GAS7: variants seen among roughly 807,000 people sequenced by gnomAD.
The protein encoded by GAS7 is growth arrest specific 7.
In GAS7, 28 loss-of-function variants were observed where a neutral mutation model predicts 71.1. That is an observed-to-expected ratio of 0.39 (90% CI 0.29 to 0.54). The LOEUF (loss-of-function observed/expected upper bound fraction) is 0.54. Among genes scored for constraint, GAS7 ranks in the 20% least tolerant of loss-of-function variants. GAS7 has a pLI of 0.62. For missense variants in GAS7, 436 were observed against 627.8 expected (o/e 0.69, Z 3.27); for synonymous variants, 258 against 245.8 (o/e 1.05, Z -0.46).
intron 1 of GAS7, among the ~76,000 whole-genome samples, chr17:10,125,847 G>A (rs904722208): frequency 1.3e-5 from 2 of 152,118 alleles, no homozygotes; most frequent in Non-Finnish European, 2.9e-5. Flanking sequence ...CCTCCACCCT[G>A]TGTTATTTAT....
At chr17:10,083,544 C>T (rs2073480607) in intron 1 of GAS7, among the ~76,000 whole-genome samples, 1 of 152,224 alleles carries the variant, frequency 6.6e-6, no homozygotes, top group Non-Finnish European at 1.5e-5. Context: ...CTTCCCAGGC[C>T]AAGTCTGGCT....
At chr17:10,156,091 T>C (rs774895680) in intron 1 of GAS7, among the ~76,000 whole-genome samples, 2 of 152,216 alleles carry the variant, frequency 1.3e-5, no homozygotes, top group Non-Finnish European at 2.9e-5. Context: ...CTTTCCCAAC[T>C]CTGACTTTTT....
Position 9,981,725 on chromosome 17 carries a change from G to A in GAS7, c.385+79C>T. The stretch of plus-strand genomic sequence containing the variant: ...CTACATCAGCCAGGTTTAAGACCCA[G>A]GACCCATCATCTCAGCCTCTCCACT... On this transcript the variant is annotated intron_variant, in intron 3 of 13. Transcript: ENST00000432992. The surrounding 1 kb of genome is among the most constrained non-coding windows in gnomAD (Gnocchi z 4.4). The A allele has an allele frequency of 2.3e-6, 2 of 865,750 alleles. No individual in the cohort carries two copies. The highest frequency in any genetic ancestry group is 4.0e-6 in the Non-Finnish European group (2 of 505,470). The allele number at this position is 865,750 out of a possible 1,614,324, so 53.6% of individuals were successfully genotyped here. A position where few individuals can be genotyped will look rare whatever the true frequency, so the allele number is the denominator to read the frequency against.
rs2073927233 is a variant in GAS7, at chr17:10,124,221, C to T, written c.183+73987G>A. On this transcript the variant is annotated intron_variant, in intron 1 of 13. Transcript: ENST00000432992. ...GGGCCTTGCACTCAACAAGAAAAGG[C>T]CAAGCTGAAGGTGGACATGGAAATG... Among the ~76,000 whole-genome samples the T allele has an allele frequency of 2.6e-5, 4 of 152,216 alleles. No homozygotes were observed. The South Asian group carries it at 8.3e-4, about 31-fold the overall frequency.
chr17:10,128,787 T>A (rs987016762), intron 1 of GAS7, among the ~76,000 whole-genome samples: 1 of 151,996 alleles, frequency 6.6e-6, no homozygotes, highest in African/African-American at 2.4e-5. Context: ...GCCCAGCTAA[T>A]TTTTTGTATT....
Position 9,946,884 on chromosome 17 carries a change from C to T in GAS7, c.615+10G>A, listed in dbSNP as rs778038935. 4.5e-5 allele frequency: 71 copies of T among 1,589,448 alleles called. No individual in the cohort carries two copies. The highest frequency in any genetic ancestry group is 5.8e-5 in the Non-Finnish European group (67 of 1,158,156). ...GGTCACGCTGTGGGGGAAACTGAGG[C>T]GCTGCTTACCCAGAAGTAGTCGCAG... is the stretch of plus-strand genomic sequence containing the variant. On this transcript the variant is annotated intron_variant, in intron 6 of 13. Coordinates refer to ENST00000432992, the MANE Select transcript of GAS7 (RefSeq NM_201433.2).
intron 1 of GAS7, among the ~76,000 whole-genome samples, chr17:10,056,639 A>G (rs1206821120): frequency 6.6e-6 from 1 of 152,188 alleles, no homozygotes; most frequent in Non-Finnish European, 1.5e-5. Flanking sequence ...TGGGAGGCCA[A>G]GGCAGGTGGA....
rs186112778 is a variant in GAS7 at position 9,932,960 on chromosome 17, G to A, written c.885+1206C>T. On this transcript the variant is annotated intron_variant, in intron 9 of 13. Coordinates refer to ENST00000432992, the MANE Select transcript of GAS7 (RefSeq NM_201433.2). ...GGCGGAGGAGGGTGGATCATGAGGTGAGGAGTTCAACACCAGCCTGGCCAA... is the reference window on the plus strand; with the variant it reads ...GGCGGAGGAGGGTGGATCATGAGGTAAGGAGTTCAACACCAGCCTGGCCAA... Among the ~76,000 whole-genome samples the A allele has an allele frequency of 7.4e-4, 113 of 152,094 alleles. 1 individual carries two copies. The highest frequency in any genetic ancestry group is 2.7e-3 in the African/African-American group (110 of 41,502).
chr17:10,079,242 A>G (rs2073429734), intron 1 of GAS7, among the ~76,000 whole-genome samples: 1 of 152,092 alleles, frequency 6.6e-6, no homozygotes, highest in South Asian at 2.1e-4. Context: ...CTCTTTTAAA[A>G]CTCTATTACT....
At chr17:10,078,237 G>A (rs1010723238) in intron 1 of GAS7, among the ~76,000 whole-genome samples, 14 of 152,118 alleles carry the variant, frequency 9.2e-5, no homozygotes, top group East Asian at 5.8e-4. Flanking sequence ...AACTGCAGAC[G>A]TGCACCACCA....
chr17:9,962,103 GTC>G (rs2152115139), intron 4 of GAS7, among the ~76,000 whole-genome samples: 1 of 152,222 alleles, frequency 6.6e-6, no homozygotes, highest in African/African-American at 2.4e-5. Flanking sequence ...ACCTTCCCTG[GTC>G]TCTGTTCTAT....
intron 1 of GAS7, among the ~76,000 whole-genome samples, chr17:10,108,564 T>C (rs758168942): frequency 6.6e-6 from 1 of 152,218 alleles, no homozygotes; most frequent in Non-Finnish European, 1.5e-5. Context: ...TCTGTCTTTG[T>C]ATTTAGCTCA....
At chr17:10,014,892 C>T (rs138835133) in intron 2 of GAS7, among the ~76,000 whole-genome samples, 2,449 of 152,102 alleles carry the variant, frequency 0.016, 66 homozygotes, top group African/African-American at 0.055. Context: ...CGGTGACTCA[C>T]GCCTGTAATC....
At chr17:10,117,048 T>A (rs2073867540) in intron 1 of GAS7, among the ~76,000 whole-genome samples, 1 of 152,182 alleles carries the variant, frequency 6.6e-6, no homozygotes, top group Admixed American at 6.5e-5. Flanking sequence ...CTTACAGTTC[T>A]GGAGGTCAAA....
Position 10,019,825 on chromosome 17 carries a change from A to T in GAS7, c.256T>A (p.Tyr86Asn). ...TACCGCCGGCCCTGAGGCGACAGGT[A>T]GCTCTGCCAGCCAGGTGGAAGGATG... The part of the protein sequence containing the change: ...TVILPPGWQS[Y>N]LSPQGRRYYV... Residue 86 changes from tyrosine (Y) to asparagine (N), a missense_variant, in exon 2 of 14, where the codon TAC becomes AAC. Physicochemically the swap from Tyr to Asn is moderately radical, Grantham distance 143. Transcript: ENST00000432992. The T allele has an allele frequency of 6.2e-7, 1 of 1,614,072 alleles. No homozygotes were observed. The highest frequency in any genetic ancestry group is 8.5e-7 in the Non-Finnish European group (1 of 1,179,902).
At chr17:10,153,959 T>A (rs2074186111) in intron 1 of GAS7, among the ~76,000 whole-genome samples, 1 of 152,118 alleles carries the variant, frequency 6.6e-6, no homozygotes, top group Non-Finnish European at 1.5e-5. Context: ...GCACCTGTAG[T>A]CCCAGCTACT....
At chr17:10,187,045 T>C (rs775283623) in intron 1 of GAS7, among the ~76,000 whole-genome samples, 9 of 152,244 alleles carry the variant, frequency 5.9e-5, no homozygotes, top group African/African-American at 1.2e-4. Flanking sequence ...GCCATCTACA[T>C]AGATACAGCT....
intron 2 of GAS7, among the ~76,000 whole-genome samples, chr17:10,014,379 C>T (rs1179781930): frequency 6.6e-6 from 1 of 152,168 alleles, no homozygotes; most frequent in East Asian, 1.9e-4. Flanking sequence ...TTCGCTCTGC[C>T]GCACAAGCAG....
intron 12 of GAS7, 145 bp from the exon 13 acceptor site, chr17:9,918,244 T>C (rs2067663771): frequency 1.6e-6 from 1 of 615,430 alleles, no homozygotes; most frequent in Non-Finnish European, 2.9e-6. Context: ...GCGTGCCCCA[T>C]ATCTAAGGTG....
Sources: gnomAD v4.1 joint callset for allele counts (sites outside exome capture counted in the v4.1 genomes callset) on GRCh38, gnomAD v4.1.1 for gene constraint, Gnocchi (gnomAD v3.1) non-coding constraint, MANE v1.5 for transcripts, NCBI Gene and HGNC (gene_info 2026-07-23, HGNC 2026-07-21) for gene names.